The following GLRA2 variants were observed in gnomAD, a reference collection of about 807,000 sequenced individuals.
GLRA2 encodes glycine receptor alpha 2, also known as glycine receptor subunit alpha-2.
Under a neutral mutation model 31.6 loss-of-function variants are expected in GLRA2, and 11 were observed. The observed-to-expected ratio is 0.35, with a 90% CI of 0.22 to 0.58. GLRA2 has a LOEUF of 0.58. GLRA2 is among the 20% of genes least tolerant of loss of function. The pLI, the probability that GLRA2 is intolerant of heterozygous loss-of-function variation, is 0.84. For missense variants in GLRA2, 212 were observed against 351.8 expected (o/e 0.60, Z 3.18); for synonymous variants, 132 against 134.0 (o/e 0.99, Z 0.10).
intron 7 of GLRA2, among the ~76,000 whole-genome samples, chrX:14,624,956 A>C (rs1443390137): frequency 9.0e-6 from 1 of 111,196 alleles, no homozygotes; most frequent in Non-Finnish European, 1.9e-5. Flanking sequence ...GGGGTGTTAA[A>C]GTCTCCCATT....
the GLRA2 span, among the ~76,000 whole-genome samples, chrX:14,467,139 T>G: frequency 8.9e-6 from 1 of 112,678 alleles, no homozygotes; most frequent in Non-Finnish European, 1.9e-5. Flanking sequence ...AGTCTTCATG[T>G]TTGTTTCTAT....
At chrX:14,659,473 T>G (rs184304198) in intron 7 of GLRA2, among the ~76,000 whole-genome samples, 27,761 of 111,310 alleles carry the variant, frequency 0.25, 2,699 homozygotes, top group Non-Finnish European at 0.31. Flanking sequence ...ATTAACAGCT[T>G]TTGAATCATT....
At chrX:14,522,966 A>G in the GLRA2 span, among the ~76,000 whole-genome samples, 1 of 111,796 alleles carries the variant, frequency 8.9e-6, no homozygotes, top group African/African-American at 3.2e-5. Flanking sequence ...ATTACCTCCT[A>G]ACGAAAGAGT....
intron 7 of GLRA2, among the ~76,000 whole-genome samples, chrX:14,650,385 C>A (rs774088367): frequency 9.1e-6 from 1 of 110,253 alleles, no homozygotes; most frequent in East Asian, 2.8e-4. Context: ...AAAACAAAAT[C>A]CCTGTTTCCT....
intron 8 of GLRA2, among the ~76,000 whole-genome samples, chrX:14,694,907 G>A (rs1363161326): frequency 8.9e-6 from 1 of 112,152 alleles, no homozygotes; most frequent in African/African-American, 3.2e-5. Context: ...AACTGGGTAA[G>A]TAGTGTTACC....
At chrX:14,720,956 A>AC (rs2091856732) in intron 8 of GLRA2, among the ~76,000 whole-genome samples, 1 of 108,393 alleles carries the variant, frequency 9.2e-6, no homozygotes. Flanking sequence ...ATATAGTGAG[A>AC]CCCCCACCTC....
At chrX:14,469,269 G>A in the GLRA2 span, among the ~76,000 whole-genome samples, 9 of 111,617 alleles carry the variant, frequency 8.1e-5, no homozygotes, top group African/African-American at 2.6e-4. Context: ...GTAATGCCTA[G>A]GTTTTCTTCT....
the GLRA2 span, among the ~76,000 whole-genome samples, chrX:14,466,973 A>G: frequency 3.5e-4 from 39 of 111,763 alleles, no homozygotes; most frequent in African/African-American, 1.1e-3. Flanking sequence ...ACACCCCTCA[A>G]TAGCTCTGGT....
chrX:14,630,110 C>T (rs1400905671), intron 7 of GLRA2, among the ~76,000 whole-genome samples: 1 of 111,782 alleles, frequency 8.9e-6, no homozygotes, highest in African/African-American at 3.2e-5. Context: ...ATTATTTTAA[C>T]ATTTTTTATA....
At chrX:14,665,451 T>C (rs1401010514) in intron 7 of GLRA2, among the ~76,000 whole-genome samples, 1 of 112,111 alleles carries the variant, frequency 8.9e-6, no homozygotes, top group Non-Finnish European at 1.9e-5. Flanking sequence ...TCTGAAGTTC[T>C]GGCATTTAGC....
intron 2 of GLRA2, among the ~76,000 whole-genome samples, chrX:14,537,934 A>G (rs980316137): frequency 9.3e-6 from 1 of 108,038 alleles, no homozygotes; most frequent in African/African-American, 3.4e-5. Flanking sequence ...CTGTGTCACA[A>G]TTTATTATAC....
intron 7 of GLRA2, among the ~76,000 whole-genome samples, chrX:14,661,039 C>T (rs1336464236): frequency 8.9e-6 from 1 of 112,055 alleles, no homozygotes; most frequent in Non-Finnish European, 1.9e-5. Flanking sequence ...ATCTCCAGCC[C>T]TTAACATGGT....
intron 3 of GLRA2, among the ~76,000 whole-genome samples, chrX:14,576,525 G>A (rs929937573): frequency 9.0e-6 from 1 of 111,631 alleles, no homozygotes; most frequent in African/African-American, 3.3e-5. Flanking sequence ...ATATTTGCAC[G>A]ACCTAATGCT....
intron 7 of GLRA2, among the ~76,000 whole-genome samples, chrX:14,677,058 A>T (rs1183116797): frequency 8.9e-6 from 1 of 111,881 alleles, no homozygotes; most frequent in East Asian, 2.8e-4. Flanking sequence ...TTCCCGCCAG[A>T]TATATTTGCA....
the GLRA2 span, among the ~76,000 whole-genome samples, chrX:14,524,159 T>C: frequency 8.9e-6 from 1 of 112,318 alleles, no homozygotes; most frequent in Non-Finnish European, 1.9e-5. Flanking sequence ...CAAATTGTAA[T>C]AAAACAAGGT....
At chrX:14,553,603 C>T (rs182492675) in intron 2 of GLRA2, among the ~76,000 whole-genome samples, 5 of 111,578 alleles carry the variant, frequency 4.5e-5, no homozygotes, top group African/African-American at 1.3e-4. Flanking sequence ...CCCATATCCC[C>T]GGTCCCTTAC....
intron 8 of GLRA2, among the ~76,000 whole-genome samples, chrX:14,699,291 G>A (rs1314458344): frequency 3.6e-5 from 4 of 111,839 alleles, no homozygotes; most frequent in Non-Finnish European, 5.6e-5. Context: ...CCTTACTTCT[G>A]GCATTGTACC....
intron 6 of GLRA2, 115 bp downstream of exon 6, chrX:14,607,383 A>C: frequency 1.7e-6 from 1 of 598,939 alleles, no homozygotes; most frequent in Non-Finnish European, 2.6e-6. Flanking sequence ...AAATAGACCT[A>C]TGTCGCACGG....
the GLRA2 span, among the ~76,000 whole-genome samples, chrX:14,466,369 T>C: frequency 9.0e-6 from 1 of 111,528 alleles, no homozygotes; most frequent in African/African-American, 3.3e-5. Flanking sequence ...CTGTTGTAAA[T>C]CTAGAGGATG....
Sources: allele counts gnomAD v4.1 joint callset (sites outside exome capture counted in the v4.1 genomes callset), GRCh38; gene constraint gnomAD v4.1.1; transcripts MANE v1.5; gene names NCBI Gene and HGNC (gene_info 2026-07-23, HGNC 2026-07-21).